The following CDH12 variants were observed in gnomAD, a reference collection of about 807,000 sequenced individuals.
The protein encoded by CDH12 is cadherin-12.
In CDH12, 41 loss-of-function variants were observed where a neutral mutation model predicts 74.1. That is an observed-to-expected ratio of 0.55 (90% CI 0.43 to 0.72). CDH12 has a LOEUF of 0.72. CDH12 is among the 30% of genes least tolerant of loss of function. The pLI is 0.00. For synonymous variants in CDH12, 399 were observed against 355.0 expected (o/e 1.12, Z -1.39); for missense variants, 945 against 977.2 (o/e 0.97, Z 0.44).
At chr5:22,731,423 A>G (rs951111158) in intron 1 of CDH12, among the ~76,000 whole-genome samples, 2 of 151,900 alleles carry the variant, frequency 1.3e-5, no homozygotes, top group Admixed American at 1.3e-4. Flanking sequence ...ATATTAAATT[A>G]CCTACTTTTC....
intron 4 of CDH12, among the ~76,000 whole-genome samples, chr5:22,123,988 G>T (rs879656384): frequency 1.3e-5 from 2 of 150,012 alleles, no homozygotes; most frequent in Non-Finnish European, 3.0e-5. Context: ...TTTTTTCTGG[G>T]ATGGAGTCTC....
chr5:22,411,068 T>C (rs1743150584), intron 2 of CDH12, among the ~76,000 whole-genome samples: 1 of 151,966 alleles, frequency 6.6e-6, no homozygotes, highest in African/African-American at 2.4e-5. Flanking sequence ...ACACCTCTGA[T>C]TGTAAAGTAT....
chr5:22,343,436 G>A (rs983244864), intron 3 of CDH12, among the ~76,000 whole-genome samples: 3 of 151,826 alleles, frequency 2.0e-5, no homozygotes, highest in Non-Finnish European at 2.9e-5. Context: ...TTTGTTTTTT[G>A]AGACGGAGTC....
chr5:22,370,806 C>A (rs1469558538), intron 3 of CDH12, among the ~76,000 whole-genome samples: 1 of 152,044 alleles, frequency 6.6e-6, no homozygotes, highest in African/African-American at 2.4e-5. Flanking sequence ...GGACCAGGAG[C>A]TAGATAACCT....
chr5:21,916,217 C>T (rs201286697), intron 6 of CDH12, among the ~76,000 whole-genome samples: 1 of 152,072 alleles, frequency 6.6e-6, no homozygotes, highest in Non-Finnish European at 1.5e-5. Context: ...TTTAGATAGA[C>T]AAGCCATATA....
intron 6 of CDH12, among the ~76,000 whole-genome samples, chr5:21,863,870 G>A (rs1751184821): frequency 6.6e-6 from 1 of 152,134 alleles, no homozygotes; most frequent in Admixed American, 6.6e-5. Flanking sequence ...AACAAAAAGA[G>A]AGAGATTTCA....
At chr5:22,079,653 G>T (rs1365447381) in intron 4 of CDH12, among the ~76,000 whole-genome samples, 1 of 152,022 alleles carries the variant, frequency 6.6e-6, no homozygotes, top group Non-Finnish European at 1.5e-5. Flanking sequence ...ACGTTGTGTA[G>T]CTCAGAGAAA....
chr5:22,045,929 GAAGA>G (rs1420629128), intron 5 of CDH12, among the ~76,000 whole-genome samples: 1 of 152,080 alleles, frequency 6.6e-6, no homozygotes, highest in African/African-American at 2.4e-5. Context: ...ACAATATCTA[GAAGA>G]AAGCATTCAG....
chr5:22,441,169 T>C (rs1744608123), intron 2 of CDH12, among the ~76,000 whole-genome samples: 2 of 152,320 alleles, frequency 1.3e-5, no homozygotes, highest in South Asian at 2.1e-4. Flanking sequence ...TAAATACTTG[T>C]AAATATCTAC....
chr5:22,514,441 T>C (rs1281140208), intron 1 of CDH12, among the ~76,000 whole-genome samples: 2 of 151,982 alleles, frequency 1.3e-5, no homozygotes, highest in Non-Finnish European at 2.9e-5. Context: ...TTAGCATCTA[T>C]GAAGCTGGCA....
intron 2 of CDH12, among the ~76,000 whole-genome samples, chr5:22,493,659 T>C (rs1393333708): frequency 6.6e-6 from 1 of 152,070 alleles, no homozygotes; most frequent in Non-Finnish European, 1.5e-5. Flanking sequence ...TTCCAGGTAA[T>C]TATGAATAAA....
intron 1 of CDH12, among the ~76,000 whole-genome samples, chr5:22,523,981 ATT>A (rs761099580): frequency 2.2e-4 from 31 of 142,218 alleles, no homozygotes; most frequent in South Asian, 4.4e-4. Flanking sequence ...TATTATTATT[ATT>A]TTTTTTTTTT....
intron 1 of CDH12, among the ~76,000 whole-genome samples, chr5:22,724,767 T>A (rs1412952764): frequency 6.6e-6 from 1 of 151,910 alleles, no homozygotes; most frequent in Admixed American, 6.6e-5. Flanking sequence ...TTATAACTGA[T>A]CTAATAATTT....
chr5:22,573,878 C>T (rs1255927382), intron 1 of CDH12, among the ~76,000 whole-genome samples: 1 of 151,968 alleles, frequency 6.6e-6, no homozygotes, highest in Non-Finnish European at 1.5e-5. Context: ...CCCCCTCTAA[C>T]CTGCTGAAAC....
At chr5:21,868,718 C>T (rs527378328) in intron 6 of CDH12, among the ~76,000 whole-genome samples, 10 of 152,182 alleles carry the variant, frequency 6.6e-5, no homozygotes, top group Non-Finnish European at 1.5e-4. Flanking sequence ...TGTAAATTCA[C>T]AGGCTCACAA....
intron 1 of CDH12, among the ~76,000 whole-genome samples, chr5:22,512,839 G>A (rs1327966916): frequency 1.3e-5 from 2 of 152,078 alleles, no homozygotes; most frequent in African/African-American, 4.8e-5. Flanking sequence ...TAGTCGGGTG[G>A]ATCATCTGAG....
At chr5:22,637,742 C>T (rs935556409) in intron 1 of CDH12, among the ~76,000 whole-genome samples, 2 of 152,192 alleles carry the variant, frequency 1.3e-5, no homozygotes, top group African/African-American at 4.8e-5. Flanking sequence ...TTAAAAGTCT[C>T]AATCATCAAA....
chr5:22,407,297 C>T lies in CDH12; in HGVS notation c.-427-1946G>A, dbSNP rs75256154. On this transcript the variant is annotated intron_variant, in intron 2 of 14. Transcript: ENST00000382254. ...ACTATAATTCATCCAATTTCCTAAA[C>T]TCCAGTTCTTTGTGGCACCCTTTGA... 1.4e-3 allele frequency among the ~76,000 whole-genome samples: 212 copies of T among 152,182 alleles called. 2 individuals carry two copies. The highest frequency in any genetic ancestry group is 4.6e-3 in the African/African-American group (193 of 41,546).
chr5:22,640,666 C>G (rs1739100307), intron 1 of CDH12, among the ~76,000 whole-genome samples: 1 of 152,106 alleles, frequency 6.6e-6, no homozygotes, highest in South Asian at 2.1e-4. Context: ...TCTTATAATA[C>G]CACCAACCTG....
Sources: allele counts gnomAD v4.1 joint callset (sites outside exome capture counted in the v4.1 genomes callset), GRCh38; gene constraint gnomAD v4.1.1; transcripts MANE v1.5; gene names NCBI Gene and HGNC (gene_info 2026-07-23, HGNC 2026-07-21).